CNTLN: variants seen among roughly 807,000 people sequenced by gnomAD.
CNTLN encodes centlein, centrosomal protein.
CNTLN carries 212 observed loss-of-function variants against 180.0 expected under a neutral mutation model. The observed-to-expected ratio is 1.18, with a 90% CI of 1.05 to 1.32. CNTLN has a LOEUF of 1.32. CNTLN is among the 40% of genes most tolerant of loss of function. The probability of loss-of-function intolerance (pLI) is 0.00; values close to 1 mark genes in which losing one functional copy is unlikely to be tolerated. For synonymous variants in CNTLN, 722 were observed against 563.1 expected (o/e 1.28, Z -3.99); for missense variants, 2,095 against 1,610.9 (o/e 1.30, Z -5.14).
At chr9:17,447,824 C>T (rs1258526408) in intron 18 of CNTLN, 1 of 153,076 alleles carries the variant, frequency 6.5e-6, no homozygotes, top group African/African-American at 2.4e-5. Flanking sequence ...TGATGCTGTC[C>T]TTAAGTGACA....
chr9:17,406,411 A>G (rs1827394380), intron 15 of CNTLN, among the ~76,000 whole-genome samples: 1 of 151,766 alleles, frequency 6.6e-6, no homozygotes, highest in South Asian at 2.1e-4. Flanking sequence ...GCTCGCTGAA[A>G]GCAGGAACTT....
rs1825100215 is a variant in CNTLN at position 17,235,684 on chromosome 9, A to C, written c.561A>C (p.Ile187=). The change falls in exon 4 of 26, where the codon ATA becomes ATC. Residue 187 remains isoleucine, a synonymous_variant. Coordinates refer to ENST00000380647, the MANE Select transcript of CNTLN (RefSeq NM_017738.4). ...EQRESVLKQE[I]NDLVKRKIAV... ...GAGAGTCAGTACTGAAACAGGAAAT[A>C]AATGACCTTGTAAAACGGAAAATTG... 1 of 1,608,016 alleles carries C rather than the reference A, an allele frequency of 6.2e-7. No individual in the cohort carries two copies. The highest frequency in any genetic ancestry group is 1.7e-5 in the Admixed American group (1 of 58,922).
chr9:17,516,283 A>G, the CNTLN span, among the ~76,000 whole-genome samples: 1 of 152,218 alleles, frequency 6.6e-6, no homozygotes, highest in African/African-American at 2.4e-5. Flanking sequence ...CATCTCTTCT[A>G]TAGACCGTAA....
intron 14 of CNTLN, 86 bp from the exon 15 acceptor site, chr9:17,394,448 A>T (rs1189215474): frequency 1.9e-6 from 2 of 1,031,590 alleles, no homozygotes; most frequent in African/African-American, 1.6e-5. Context: ...GCTAAATGTG[A>T]TTTTTATTTC....
intron 6 of CNTLN, among the ~76,000 whole-genome samples, chr9:17,288,573 C>T (rs546906197): frequency 7.8e-6 from 1 of 127,728 alleles, no homozygotes; most frequent in East Asian, 2.1e-4. Context: ...TGTTGACTTT[C>T]TGTCTCGTTG....
chr9:17,160,006 T>A (rs559857909), intron 2 of CNTLN, among the ~76,000 whole-genome samples: 43 of 152,292 alleles, frequency 2.8e-4, no homozygotes, highest in African/African-American at 9.6e-4. Flanking sequence ...CTTCAATAGA[T>A]AAATACTGGA....
intron 5 of CNTLN, among the ~76,000 whole-genome samples, chr9:17,248,527 T>TAA (rs1232215710): frequency 7.2e-6 from 1 of 138,938 alleles, no homozygotes; most frequent in Non-Finnish European, 1.5e-5. Context: ...TTTATAAATA[T>TAA]TTATAATTAT....
intron 25 of CNTLN, among the ~76,000 whole-genome samples, chr9:17,500,066 G>T (rs1223030345): frequency 2.0e-5 from 3 of 152,114 alleles, no homozygotes; most frequent in African/African-American, 7.2e-5. Flanking sequence ...GTTCCTGCAA[G>T]GGCAGTAGAT....
chr9:17,444,195 A>G (rs1830272641), intron 18 of CNTLN: 1 of 152,212 alleles, frequency 6.6e-6, no homozygotes, highest in African/African-American at 2.4e-5. Context: ...TCTTCATTCC[A>G]GACCAGACCA....
At chr9:17,486,149 A>G (rs531143919) in intron 24 of CNTLN, among the ~76,000 whole-genome samples, 67 of 152,262 alleles carry the variant, frequency 4.4e-4, no homozygotes, top group African/African-American at 1.5e-3. Context: ...TGATCCTGTC[A>G]TCTTCCAGAG....
At chr9:17,327,043 C>G (rs1298904943) in intron 8 of CNTLN, among the ~76,000 whole-genome samples, 2 of 151,890 alleles carry the variant, frequency 1.3e-5, no homozygotes, top group African/African-American at 4.8e-5. Flanking sequence ...ATGTACCATA[C>G]TAATTTAAGA....
chr9:17,181,810 C>T lies in CNTLN; in HGVS notation c.449+38434C>T, dbSNP rs1285409053. 3.9e-5 allele frequency among the ~76,000 whole-genome samples: 6 copies of T among 152,090 alleles called. 1 individual carries two copies. Among genetic ancestry groups the T allele is most frequent in the Admixed American group, 3.9e-4 (6 of 15,266 alleles). ...TATTGCTGGATGGGTGTATTCTCAC[C>T]CTTTATTAGGCCTTCACTAATGCCA... On this transcript the variant is annotated intron_variant, in intron 2 of 25. Transcript: ENST00000380647.
intron 23 of CNTLN, among the ~76,000 whole-genome samples, chr9:17,480,157 T>C (rs1312658969): frequency 6.6e-6 from 1 of 151,974 alleles, no homozygotes; most frequent in Non-Finnish European, 1.5e-5. Context: ...CACCACTGCA[T>C]TTCAGCCCGG....
chr9:17,449,817 T>C (rs1830681823), intron 18 of CNTLN, among the ~76,000 whole-genome samples: 1 of 152,228 alleles, frequency 6.6e-6, no homozygotes, highest in African/African-American at 2.4e-5. Flanking sequence ...TAGGTTAAAA[T>C]TTGCTATAAA....
intron 13 of CNTLN, among the ~76,000 whole-genome samples, chr9:17,369,663 A>G (rs950354361): frequency 6.6e-5 from 10 of 151,528 alleles, no homozygotes; most frequent in African/African-American, 2.4e-4. Flanking sequence ...AGAAGAAGGA[A>G]TTAGTGAGCT....
At chr9:17,212,078 T>C (rs1823359719) in intron 2 of CNTLN, among the ~76,000 whole-genome samples, 3 of 152,144 alleles carry the variant, frequency 2.0e-5, no homozygotes, top group Admixed American at 6.6e-5. Flanking sequence ...CTGGCCAGAA[T>C]TTCCAAGACT....
intron 6 of CNTLN, among the ~76,000 whole-genome samples, chr9:17,291,863 C>G (rs1587525521): frequency 6.6e-6 from 1 of 152,016 alleles, no homozygotes; most frequent in South Asian, 2.1e-4. Flanking sequence ...AGCTGGTTAT[C>G]AGACTTGGTG....
At chr9:17,187,562 A>G (rs906554155) in intron 2 of CNTLN, among the ~76,000 whole-genome samples, 3 of 152,002 alleles carry the variant, frequency 2.0e-5, no homozygotes, top group African/African-American at 7.2e-5. Flanking sequence ...GTGCAAATAA[A>G]TTATTTACTT....
intron 18 of CNTLN, among the ~76,000 whole-genome samples, chr9:17,452,131 A>G (rs1000754426): frequency 1.3e-5 from 2 of 150,872 alleles, no homozygotes; most frequent in African/African-American, 2.5e-5. Context: ...ATCTAAAAAT[A>G]TATTGTTTTG....
Sources: allele counts gnomAD v4.1 joint callset (sites outside exome capture counted in the v4.1 genomes callset), GRCh38; gene constraint gnomAD v4.1.1; transcripts MANE v1.5; gene names NCBI Gene and HGNC (gene_info 2026-07-23, HGNC 2026-07-21).